LTBP2: variants seen among roughly 807,000 people sequenced by gnomAD.
The protein encoded by LTBP2 is latent transforming growth factor beta binding protein 2.
In LTBP2, 103 loss-of-function variants were observed where a neutral mutation model predicts 210.6. The ratio of observed to expected loss-of-function variants is 0.49; its 90% CI spans 0.42 to 0.58. LTBP2 has a LOEUF of 0.58. Among genes scored for constraint, LTBP2 ranks in the 20% least tolerant of loss-of-function variants. LTBP2 has a pLI of 0.00. For synonymous variants in LTBP2, 1,007 were observed against 1,015.0 expected, an observed-to-expected ratio of 0.99 and a Z score of 0.15; for missense variants, 2,313 against 2,494.5, an observed-to-expected ratio of 0.93 and a Z score of 1.55.
chr14:74,507,077 CT>C, intron 26 of LTBP2, 101 bp downstream of exon 26: 1 of 1,597,242 alleles, frequency 6.3e-7, no homozygotes, highest in Admixed American at 1.7e-5. Context: ...CTACAATCAG[CT>C]GCAAAAAATC....
intron 2 of LTBP2, among the ~76,000 whole-genome samples, chr14:74,599,823 G>C (rs571330870): frequency 6.6e-6 from 1 of 152,254 alleles, no homozygotes; most frequent in Non-Finnish European, 1.5e-5. Flanking sequence ...AGCACTCCCT[G>C]AGCATGGGCA....
At chr14:74,547,759 C>T (rs1185712350) in intron 8 of LTBP2, among the ~76,000 whole-genome samples, 1 of 152,050 alleles carries the variant, frequency 6.6e-6, no homozygotes, top group Non-Finnish European at 1.5e-5. Flanking sequence ...GTACTGCATG[C>T]CCCTCAGAGG....
At chr14:74,546,772 A>G (rs1595267386) in intron 8 of LTBP2, among the ~76,000 whole-genome samples, 1 of 152,332 alleles carries the variant, frequency 6.6e-6, no homozygotes, top group Non-Finnish European at 1.5e-5. Context: ...CGAGCTCACC[A>G]GCTGTATTTG....
intron 1 of LTBP2, among the ~76,000 whole-genome samples, chr14:74,606,953 C>T (rs1052607517): frequency 1.3e-5 from 2 of 152,052 alleles, no homozygotes; most frequent in African/African-American, 4.8e-5. Context: ...TGTCTCAGGT[C>T]ATTGGTTGTA....
At chr14:74,552,144 A>G (rs1289158524) in intron 6 of LTBP2, 43 bp downstream of exon 6, 3 of 1,542,930 alleles carry the variant, frequency 1.9e-6, no homozygotes, top group Non-Finnish European at 2.6e-6. Flanking sequence ...CCCAACTGGC[A>G]CTCCTCCCAG....
intron 2 of LTBP2, among the ~76,000 whole-genome samples, chr14:74,593,462 C>T (rs1315998965): frequency 2.0e-5 from 3 of 152,186 alleles, no homozygotes; most frequent in Non-Finnish European, 2.9e-5. Flanking sequence ...GCCTCGTCCA[C>T]GATATGGGGC....
At position 74,549,978 on chromosome 14, in the gene LTBP2, GC is replaced by G; in HGVS notation, c.1687-14del. The stretch of plus-strand genomic sequence containing the variant: ...GAGGGTTGGCACACTGGAAGGAGAG[GC>G]CATGGACACCTGTGACCACCCCCCT... On this transcript the variant is annotated splice_polypyrimidine_tract_variant and intron_variant, in intron 7 of 35. Transcript: ENST00000261978. 1.9e-6 allele frequency: 3 copies of G among 1,562,232 alleles called. No individual in the cohort carries two copies. Among genetic ancestry groups the G allele is most frequent in the Non-Finnish European group, 2.6e-6 (3 of 1,132,704 alleles).
chr14:74,576,090 A>G (rs1485691746), intron 3 of LTBP2, among the ~76,000 whole-genome samples: 1 of 152,090 alleles, frequency 6.6e-6, no homozygotes, highest in East Asian at 1.9e-4. Context: ...CTCAGGGGAG[A>G]GGCATTGCCC....
In LTBP2 at chr14:74,498,320, T is replaced by C. The variant is rs1178165552; in HGVS notation, c.*2564A>G. 5.3e-6 allele frequency: 1 copy of C among 188,036 alleles called. No individual in the cohort carries two copies. Among genetic ancestry groups the C allele is most frequent in the Admixed American group, 6.2e-5 (1 of 16,176 alleles). 11.6% of individuals were successfully genotyped at this position (188,036 alleles called of 1,614,324 possible). A position where few individuals can be genotyped will look rare whatever the true frequency, so the allele number is the denominator to read the frequency against. ...CTGTCACCCTCCCCACAAACCACCA[T>C]TGGTTCTAAGAATTTATCCTGCAGA... On this transcript the variant is annotated 3_prime_UTR_variant, in exon 36 of 36. Transcript: ENST00000261978.
rs2088212830 is a variant in LTBP2, at chr14:74,586,865, G to T, written c.566-747C>A. Among the ~76,000 whole-genome samples, 1 of 152,172 alleles carries T rather than the reference G, an allele frequency of 6.6e-6. No homozygotes were observed. The highest frequency in any genetic ancestry group is 2.4e-5 in the African/African-American group (1 of 41,440). On this transcript the variant is annotated intron_variant, in intron 2 of 35. Coordinates refer to ENST00000261978, the MANE Select transcript of LTBP2 (RefSeq NM_000428.3). The surrounding 1 kb of genome is among the most constrained non-coding windows in gnomAD (Gnocchi z 4.6). ...AGCTGCCGGCACCACAGCCGCTGCC[G>T]GCCAGGTAAGTGCCCCGCTCTGTGG...
intron 8 of LTBP2, among the ~76,000 whole-genome samples, chr14:74,549,288 C>A (rs761515123): frequency 6.7e-6 from 1 of 149,542 alleles, no homozygotes; most frequent in Non-Finnish European, 1.5e-5. Context: ...TTGGCACATA[C>A]AAGGCACCCA....
intron 3 of LTBP2, among the ~76,000 whole-genome samples, chr14:74,585,606 C>T (rs1291918216): frequency 1.3e-5 from 2 of 152,140 alleles, no homozygotes. Flanking sequence ...TTCAGGCACT[C>T]GAGGGCAAAG....
Position 74,526,087 on chromosome 14 carries a change from C to T in LTBP2, c.2416G>A (p.Ala806Thr). The T allele has an allele frequency of 6.2e-7, 1 of 1,605,882 alleles. No individual in the cohort carries two copies. The highest frequency in any genetic ancestry group is 8.5e-7 in the Non-Finnish European group (1 of 1,175,818). Residue 806 changes from alanine to threonine, a missense_variant, in exon 14 of 36, where the codon GCC becomes ACC. Transcript: ENST00000261978. Reference protein sequence around the residue: ...QVTTSVTHAPAWVTGNATTPP... With the variant: ...QVTTSVTHAPTWVTGNATTPP... ...AAGAGGGACTCACCTGTGACCCAGG[C>T]AGGTGCATGAGTGACACTGGTCGTG...
At chr14:74,503,162 TC>T in intron 33 of LTBP2, 56 bp downstream of exon 33, 1 of 1,599,812 alleles carries the variant, frequency 6.3e-7, no homozygotes. Context: ...GGTGAGGGCA[TC>T]CCCCTCCCTG....
At chr14:74,523,165 G>A (rs957022687) in intron 15 of LTBP2, among the ~76,000 whole-genome samples, 1 of 152,006 alleles carries the variant, frequency 6.6e-6, no homozygotes, top group African/African-American at 2.4e-5. Flanking sequence ...GAGATCTAAT[G>A]GATAACCCAT....
At chr14:74,575,668 G>A (rs2088047923) in intron 3 of LTBP2, among the ~76,000 whole-genome samples, 1 of 152,196 alleles carries the variant, frequency 6.6e-6, no homozygotes, top group South Asian at 2.1e-4. Flanking sequence ...GAGGTTGAGT[G>A]CCAAGGGACC....
intron 18 of LTBP2, among the ~76,000 whole-genome samples, chr14:74,515,686 G>A (rs939749042): frequency 9.2e-5 from 14 of 152,134 alleles, no homozygotes; most frequent in African/African-American, 3.4e-4. Flanking sequence ...ATCTATTGAG[G>A]ACCTAACCCA....
At chr14:74,501,173 C>T (rs1189867881) in intron 35 of LTBP2, 144 bp from the exon 36 acceptor site, 1 of 1,123,024 alleles carries the variant, frequency 8.9e-7, no homozygotes, top group East Asian at 2.6e-5. Flanking sequence ...CTTCCCAAAA[C>T]CAAGCAACTC....
intron 16 of LTBP2, 88 bp from the exon 17 acceptor site, chr14:74,522,127 C>CA: frequency 6.9e-7 from 1 of 1,452,094 alleles, no homozygotes; most frequent in Non-Finnish European, 9.5e-7. Context: ...ACACTAGGGG[C>CA]TGGGCAGGGG....
Sources: allele counts gnomAD v4.1 joint callset (sites outside exome capture counted in the v4.1 genomes callset), GRCh38; gene constraint gnomAD v4.1.1; non-coding constraint Gnocchi (gnomAD v3.1); transcripts MANE v1.5; gene names NCBI Gene and HGNC (gene_info 2026-07-23, HGNC 2026-07-21).